The following TP63 variants were observed in gnomAD, a reference collection of about 807,000 sequenced individuals.
TP63 encodes tumor protein p63.
In TP63, 17 loss-of-function variants were observed where a neutral mutation model predicts 82.8. That is an observed-to-expected ratio of 0.21 (90% CI 0.14 to 0.31). TP63 has a LOEUF of 0.31. Among genes scored for constraint, TP63 ranks in the 10% least tolerant of loss-of-function variants. TP63 has a pLI of 1.00. For synonymous variants in TP63, 330 were observed against 321.7 expected (o/e 1.03, Z -0.28); for missense variants, 648 against 895.3 (o/e 0.72, Z 3.52).
intron 1 of TP63, among the ~76,000 whole-genome samples, chr3:189,662,259 C>G (rs1485454379): frequency 1.3e-5 from 2 of 151,928 alleles, no homozygotes; most frequent in African/African-American, 4.8e-5. Context: ...TTTTGGTATG[C>G]AGTGTTTCTG....
intron 1 of TP63, among the ~76,000 whole-genome samples, chr3:189,711,662 G>T (rs1162245864): frequency 2.6e-5 from 4 of 152,194 alleles, no homozygotes; most frequent in Non-Finnish European, 4.4e-5. Context: ...GAGAAATTCA[G>T]TGAATTGTCA....
intron 3 of TP63, among the ~76,000 whole-genome samples, chr3:189,754,341 A>G (rs1252935140): frequency 2.0e-5 from 3 of 152,206 alleles, no homozygotes; most frequent in African/African-American, 7.2e-5. Context: ...ACCCACATAT[A>G]ACTCAATTTG....
chr3:189,848,239 T>TCTCTCTCTCTCTCTCTCTC (rs372147574), intron 4 of TP63, among the ~76,000 whole-genome samples: 9 of 95,972 alleles, frequency 9.4e-5, no homozygotes, highest in African/African-American at 1.7e-4. Flanking sequence ...CTCCTCCTCC[T>TCTCTCTCTCTCTCTCTCTC]TCTCTCTCTC....
In TP63 at chr3:189,896,035, T is replaced by C. The variant is rs935819703; in HGVS notation, c.*1533T>C. 1.3e-5 allele frequency: 3 copies of C among 228,348 alleles called. No homozygotes were observed. Among genetic ancestry groups the C allele is most frequent in the Non-Finnish European group, 2.6e-5 (3 of 114,768 alleles). The allele number at this position is 228,348 out of a possible 1,614,324, so 14.1% of individuals were successfully genotyped here. On this transcript the variant is annotated 3_prime_UTR_variant, in exon 14 of 14. Transcript: ENST00000264731. The stretch of plus-strand genomic sequence containing the variant: ...TAAACCACTTAAACGAAGAGTTCCC[T>C]TGAAACTTTGGGAAAACATGTTAAT...
chr3:189,609,083 C>T, the TP63 span, among the ~76,000 whole-genome samples: 2 of 152,100 alleles, frequency 1.3e-5, no homozygotes, highest in Non-Finnish European at 2.9e-5. Flanking sequence ...TTCTTATATT[C>T]TCTGAATTCA....
chr3:189,852,127 T>C (rs899202892), intron 4 of TP63, among the ~76,000 whole-genome samples: 1 of 152,210 alleles, frequency 6.6e-6, no homozygotes, highest in African/African-American at 2.4e-5. Flanking sequence ...AGAATTTAAA[T>C]AGGATTTTTT....
At chr3:189,863,663 C>T (rs1016438919) in intron 4 of TP63, among the ~76,000 whole-genome samples, 7 of 152,136 alleles carry the variant, frequency 4.6e-5, no homozygotes, top group Admixed American at 6.5e-5. Flanking sequence ...AAAGTGCAGG[C>T]GTTCAAGGGA....
intron 13 of TP63, among the ~76,000 whole-genome samples, chr3:189,892,749 G>A (rs979340663): frequency 7.9e-5 from 12 of 152,070 alleles, no homozygotes; most frequent in East Asian, 1.9e-4. Context: ...CCGAGATCAC[G>A]CCACTGCACT....
chr3:189,853,571 T>C (rs370090114), intron 4 of TP63, among the ~76,000 whole-genome samples: 10 of 152,326 alleles, frequency 6.6e-5, no homozygotes, highest in African/African-American at 2.2e-4. Flanking sequence ...TATTGAAGAA[T>C]TCTTTCCTAA....
chr3:189,864,308 C>G lies in TP63; in HGVS notation c.656C>G (p.Pro219Arg). The change falls in exon 5 of 14, where the codon CCT (proline) becomes CGT (arginine). Residue 219 changes from proline (P) to arginine (R), a missense_variant. By Grantham distance (103) the Pro-to-Arg change is moderately radical. Coordinates refer to ENST00000264731, the MANE Select transcript of TP63 (RefSeq NM_003722.5). ...ATCCAGATCAAGGTGATGACCCCAC[C>G]TCCTCAGGGAGCTGTTATCCGCGCC... Reference protein sequence around the residue: ...CPIQIKVMTPPPQGAVIRAMP... With the variant: ...CPIQIKVMTPRPQGAVIRAMP... 4 of 1,614,192 alleles carry G rather than the reference C, an allele frequency of 2.5e-6. No homozygotes were observed. The highest frequency in any genetic ancestry group is 1.6e-4 in the Middle Eastern group (1 of 6,062).
intron 1 of TP63, among the ~76,000 whole-genome samples, chr3:189,735,077 A>G (rs1720479956): frequency 2.6e-5 from 4 of 152,184 alleles, no homozygotes; most frequent in Admixed American, 2.6e-4. Flanking sequence ...CTTATGTCAA[A>G]TCTAGTAGGT....
chr3:189,737,743 C>T lies in TP63; in HGVS notation c.66C>T (p.Phe22=), dbSNP rs920654812. The T allele has an allele frequency of 2.5e-6, 4 of 1,613,596 alleles. No homozygotes were observed. Among genetic ancestry groups the T allele is most frequent in the African/African-American group, 1.3e-5 (1 of 74,876 alleles). ...QYCPDPYIQR[F]VETPAHFSWK... ...GTTTCATTTTTGTCCTTTTAAGTTT[C>T]GTAGAAACCCCAGCTCATTTCTCTT... Residue 22 remains phenylalanine, a synonymous_variant, in exon 2 of 14, where the codon TTC becomes TTT. Transcript: ENST00000264731.
At chr3:189,639,133 C>T (rs1472449516) in intron 1 of TP63, among the ~76,000 whole-genome samples, 2 of 152,086 alleles carry the variant, frequency 1.3e-5, no homozygotes, top group African/African-American at 2.4e-5. Context: ...TTTCTATCTC[C>T]TTTAAAGAAT....
chr3:189,776,228 GT>G (rs1478496531), intron 3 of TP63, among the ~76,000 whole-genome samples: 2 of 152,140 alleles, frequency 1.3e-5, no homozygotes, highest in Non-Finnish European at 2.9e-5. Flanking sequence ...ATATTCTTTA[GT>G]TTTATTTTTA....
chr3:189,776,031 G>C (rs1029297738), intron 3 of TP63, among the ~76,000 whole-genome samples: 1 of 152,170 alleles, frequency 6.6e-6, no homozygotes, highest in East Asian at 1.9e-4. Flanking sequence ...TGAGACAGAA[G>C]GACTGCTTAG....
chr3:189,691,012 C>G (rs1028447133), intron 1 of TP63, among the ~76,000 whole-genome samples: 2 of 152,002 alleles, frequency 1.3e-5, no homozygotes, highest in Non-Finnish European at 2.9e-5. Flanking sequence ...GTATATTTAA[C>G]CTTCTTCACT....
At chr3:189,637,585 G>A (rs760475089) in intron 1 of TP63, among the ~76,000 whole-genome samples, 1 of 152,166 alleles carries the variant, frequency 6.6e-6, no homozygotes, top group African/African-American at 2.4e-5. Flanking sequence ...GAGAATTCAA[G>A]TCCCTTGACT....
intron 10 of TP63, among the ~76,000 whole-genome samples, chr3:189,876,951 G>T (rs1361747033): frequency 6.6e-6 from 1 of 152,120 alleles, no homozygotes; most frequent in Admixed American, 6.6e-5. Context: ...ATAGTAGAGG[G>T]AAAATTAGTG....
rs371161967 is a variant in TP63, at chr3:189,689,056, A to G, written c.63-48684A>G. Among the ~76,000 whole-genome samples, 59 of 145,964 alleles carry G rather than the reference A, an allele frequency of 4.0e-4. No individual in the cohort carries two copies. In the South Asian group the frequency reaches 0.012, roughly 31 times the overall value. On this transcript the variant is annotated intron_variant, in intron 1 of 13. Coordinates refer to ENST00000264731, the MANE Select transcript of TP63 (RefSeq NM_003722.5). The stretch of plus-strand genomic sequence containing the variant: ...TCTTCCACCATACTCTTCTAATTTC[A>G]TCAACACATAGAATGACAGAGTGGC...
Sources: gnomAD v4.1 joint callset for allele counts (sites outside exome capture counted in the v4.1 genomes callset) on GRCh38, gnomAD v4.1.1 for gene constraint, MANE v1.5 for transcripts, NCBI Gene and HGNC (gene_info 2026-07-23, HGNC 2026-07-21) for gene names.